Variants in IL1R2 observed in about 807,000 individuals in gnomAD.
IL1R2 encodes interleukin 1 receptor type 2, also known as interleukin-1 receptor type 2.
In IL1R2, 46 loss-of-function variants were observed where a neutral mutation model predicts 39.5. The ratio of observed to expected loss-of-function variants is 1.16; its 90% CI spans 0.92 to 1.49. IL1R2 has a LOEUF of 1.49. IL1R2 is among the 40% of genes most tolerant of loss of function. The pLI is 0.00. For synonymous variants in IL1R2, 207 were observed against 189.6 expected (o/e 1.09, Z -0.75); for missense variants, 537 against 502.0 (o/e 1.07, Z -0.67).
At position 102,018,802 on chromosome 2, in the gene IL1R2, T is replaced by C. The variant is rs3218940; in HGVS notation, c.514-836T>C. ...GGAATGACTGTGGTGCTGGGCTCTATTTGGCATTTTTCATATTTGACTACT... is the reference window on the plus strand; with the variant it reads ...GGAATGACTGTGGTGCTGGGCTCTACTTGGCATTTTTCATATTTGACTACT... On this transcript the variant is annotated intron_variant, in intron 4 of 8. Transcript: ENST00000332549. 6.1e-3 allele frequency among the ~76,000 whole-genome samples: 932 copies of C among 152,268 alleles called. 10 individuals carry two copies. Among genetic ancestry groups the C allele is most frequent in the African/African-American group, 0.021 (888 of 41,550 alleles).
At chr2:102,025,198 AC>A (rs1426265581) in intron 7 of IL1R2, among the ~76,000 whole-genome samples, 1 of 152,194 alleles carries the variant, frequency 6.6e-6, no homozygotes, top group Non-Finnish European at 1.5e-5. Flanking sequence ...GAACAATCAG[AC>A]CTTTTGTAAG....
rs151100901 is a variant in IL1R2, at chr2:101,998,815, C to A, written c.-62+6804C>A. Among the ~76,000 whole-genome samples the A allele has an allele frequency of 4.2e-3, 638 of 152,316 alleles. 1 individual carries two copies. Among genetic ancestry groups the A allele is most frequent in the Middle Eastern group, 6.8e-3 (2 of 294 alleles). Reference sequence around the variant, plus strand: ...AGGAAGCCAGGCAGAAGCAAGCACCCCTTGGAAACCAGGTGGAGGCTGCAT... The same window carrying A: ...AGGAAGCCAGGCAGAAGCAAGCACCACTTGGAAACCAGGTGGAGGCTGCAT... On this transcript the variant is annotated intron_variant, in intron 1 of 8. Coordinates refer to ENST00000332549, the MANE Select transcript of IL1R2 (RefSeq NM_004633.4).
chr2:102,018,617 G>A (rs891733154), intron 4 of IL1R2, among the ~76,000 whole-genome samples: 1 of 152,102 alleles, frequency 6.6e-6, no homozygotes, highest in African/African-American at 2.4e-5. Context: ...CTATATCCAA[G>A]CCTGTTCTAA....
intron 4 of IL1R2, among the ~76,000 whole-genome samples, chr2:102,017,629 G>A (rs3218921): frequency 0.3 from 45,146 of 152,052 alleles, 7,204 homozygotes; most frequent in East Asian, 0.52. Flanking sequence ...ACAAGCCAAC[G>A]ATAGTTGTCA....
At chr2:102,020,083 C>T (rs1175137535) in intron 5 of IL1R2, among the ~76,000 whole-genome samples, 2 of 152,200 alleles carry the variant, frequency 1.3e-5, no homozygotes, top group Admixed American at 6.5e-5. Flanking sequence ...TCAAGAGAGT[C>T]AAACAGTGGC....
chr2:102,005,499 G>C (rs1225443138), intron 1 of IL1R2, among the ~76,000 whole-genome samples: 1 of 152,220 alleles, frequency 6.6e-6, no homozygotes, highest in African/African-American at 2.4e-5. Context: ...AGTCCAGGGT[G>C]GTGGGCGGCT....
chr2:102,009,546 GCT>G lies in IL1R2; in HGVS notation c.68-11_68-10del. ...TTTTGGACCCAAAGCCTGACCATGG[GCT>G]CTCTGTCCTTCAGGGGCTGCCAGAA... On this transcript the variant is annotated splice_polypyrimidine_tract_variant and intron_variant, in intron 2 of 8. Coordinates refer to ENST00000332549, the MANE Select transcript of IL1R2 (RefSeq NM_004633.4). 3.1e-6 allele frequency: 5 copies of G among 1,611,610 alleles called. No individual in the cohort carries two copies. Among genetic ancestry groups the G allele is most frequent in the Non-Finnish European group, 4.2e-6 (5 of 1,178,578 alleles).
At position 102,023,018 on chromosome 2, in the gene IL1R2, T is replaced by C. The variant is rs1238624304; in HGVS notation, c.751+769T>C. On this transcript the variant is annotated intron_variant, in intron 6 of 8. Coordinates refer to ENST00000332549, the MANE Select transcript of IL1R2 (RefSeq NM_004633.4). ...TGGCTCAGTGGAGGCCAAAAGGCCA[T>C]GCTCAGAGTCAGGCTGGAGTTCAGA... is the stretch of plus-strand genomic sequence containing the variant. 2.0e-5 allele frequency among the ~76,000 whole-genome samples: 3 copies of C among 152,356 alleles called. No homozygotes were observed. The East Asian group carries it at 5.8e-4, about 29-fold the overall frequency.
intron 3 of IL1R2, among the ~76,000 whole-genome samples, chr2:102,014,514 C>A (rs1036492508): frequency 6.6e-6 from 1 of 152,168 alleles, no homozygotes; most frequent in East Asian, 1.9e-4. Flanking sequence ...TTTCTTTATG[C>A]ACAAAATATA....
Position 102,022,279 on chromosome 2 carries a change from G to A in IL1R2, c.751+30G>A, listed in dbSNP as rs187608088. The A allele has an allele frequency of 6.7e-5, 106 of 1,579,768 alleles. No homozygotes were observed. In the African/African-American group the frequency reaches 1.1e-3, roughly 16 times the overall value. Reference sequence around the variant, plus strand: ...GGCCCACAAGGACCATGCATTCCACGCACCTGTGGGGGTGCCTGGTATCCC... The same window carrying A: ...GGCCCACAAGGACCATGCATTCCACACACCTGTGGGGGTGCCTGGTATCCC... On this transcript the variant is annotated intron_variant, in intron 6 of 8. Transcript: ENST00000332549.
At position 102,009,850 on chromosome 2, in the gene IL1R2, G is replaced by A. The variant is rs201456566; in HGVS notation, c.332+24G>A. The A allele has an allele frequency of 8.7e-6, 14 of 1,609,942 alleles. 1 individual carries two copies. The Admixed American group carries it at 1.7e-4, about 19-fold the overall frequency. On this transcript the variant is annotated intron_variant, in intron 3 of 8. Coordinates refer to ENST00000332549, the MANE Select transcript of IL1R2 (RefSeq NM_004633.4). ...AGGTAAGTCTCCCTGTGCGGGGCTG[G>A]GGAGGGGATCCTGGCAGGATGGAGG...
chr2:102,022,250 G>C lies in IL1R2; in HGVS notation c.751+1G>C. The C allele has an allele frequency of 6.2e-7, 1 of 1,612,964 alleles. No individual in the cohort carries two copies. Among genetic ancestry groups the C allele is most frequent in the South Asian group, 1.1e-5 (1 of 91,064 alleles). The stretch of plus-strand genomic sequence containing the variant: ...CTCAAGACCATATCAGCTTCTCTGG[G>C]TAAGGCCCACAAGGACCATGCATTC... On this transcript the variant is annotated splice_donor_variant, in intron 6 of 8. Transcript: ENST00000332549. LOFTEE classifies it high-confidence loss of function.
chr2:101,992,284 GAGAGAC>G (rs201167739), intron 1 of IL1R2, among the ~76,000 whole-genome samples: 3,826 of 137,436 alleles, frequency 0.028, 98 homozygotes, highest in South Asian at 0.044. Context: ...GACAGAGGCA[GAGAGAC>G]AGAGACAGAG....
intron 3 of IL1R2, among the ~76,000 whole-genome samples, chr2:102,013,558 G>GAAAAAAAAAAAAAAAAAAAAAAAA (rs1676788000): frequency 3.0e-5 from 1 of 33,742 alleles, no homozygotes; most frequent in Non-Finnish European, 5.5e-5. Flanking sequence ...AAAAAGGAAA[G>GAAAAAAAAAAAAAAAAAAAAAAAA]AAAGAAAAGA....
chr2:102,001,061 G>C (rs1350630441), intron 1 of IL1R2, among the ~76,000 whole-genome samples: 1 of 152,200 alleles, frequency 6.6e-6, no homozygotes, highest in African/African-American at 2.4e-5. Flanking sequence ...AGTCAGGGCA[G>C]GGTCTAATGC....
chr2:101,998,005 A>C (rs897374257), intron 1 of IL1R2, among the ~76,000 whole-genome samples: 4 of 152,140 alleles, frequency 2.6e-5, no homozygotes, highest in African/African-American at 9.7e-5. Flanking sequence ...CTTTCTGAGG[A>C]GGCCTTTGCT....
chr2:102,015,021 A>G (rs1676906613), intron 3 of IL1R2, among the ~76,000 whole-genome samples: 1 of 151,804 alleles, frequency 6.6e-6, no homozygotes. Context: ...TTCCCCATGC[A>G]GTATTACAAA....
intron 5 of IL1R2, among the ~76,000 whole-genome samples, chr2:102,021,078 T>A (rs1677355095): frequency 6.6e-6 from 1 of 152,038 alleles, no homozygotes; most frequent in African/African-American, 2.4e-5. Flanking sequence ...GGGCAGCGCG[T>A]GACTTGGAGG....
intron 1 of IL1R2, among the ~76,000 whole-genome samples, chr2:102,008,235 G>T (rs1288549063): frequency 6.6e-6 from 1 of 152,252 alleles, no homozygotes; most frequent in Non-Finnish European, 1.5e-5. Flanking sequence ...CAAGGCGCAG[G>T]AATGGCTAAG....
Sources: allele counts gnomAD v4.1 joint callset (sites outside exome capture counted in the v4.1 genomes callset), GRCh38; gene constraint gnomAD v4.1.1; transcripts MANE v1.5; gene names NCBI Gene and HGNC (gene_info 2026-07-23, HGNC 2026-07-21).